The following PTPN12 variants were observed in gnomAD, a reference collection of about 807,000 sequenced individuals.
The protein encoded by PTPN12 is protein tyrosine phosphatase non-receptor type 12.
A neutral mutation model predicts 97.6 loss-of-function variants in PTPN12; 29 were observed. The observed-to-expected ratio is 0.30, with a 90% CI of 0.22 to 0.41. The LOEUF is 0.41. Ranked by LOEUF, PTPN12 falls within the 10% of genes least tolerant of loss-of-function variation. PTPN12 has a pLI of 1.00. For missense variants in PTPN12, 819 were observed against 926.0 expected (o/e 0.88, Z 1.50); for synonymous variants, 327 against 300.4 (o/e 1.09, Z -0.91).
At position 77,639,685 on chromosome 7, in the gene PTPN12, A is replaced by G. The variant is rs1789729051; in HGVS notation, c.*405A>G. The G allele has an allele frequency of 6.3e-6, 1 of 157,694 alleles. No individual in the cohort carries two copies. Among genetic ancestry groups the G allele is most frequent in the Non-Finnish European group, 1.4e-5 (1 of 71,604 alleles). 9.8% of individuals were successfully genotyped at this position (157,694 alleles called of 1,614,324 possible). A position where few individuals can be genotyped will look rare whatever the true frequency, so the allele number is the denominator to read the frequency against. On this transcript the variant is annotated 3_prime_UTR_variant, in exon 18 of 18. Coordinates refer to ENST00000248594, the MANE Select transcript of PTPN12 (RefSeq NM_002835.4). ...ATATTATTAACAGAAGATGTAAGAA[A>G]TTTCTGCATGGTCTAAATCTTTGTG...
At chr7:77,633,824 A>T (rs1789489155) in intron 14 of PTPN12, among the ~76,000 whole-genome samples, 1 of 151,250 alleles carries the variant, frequency 6.6e-6, no homozygotes, top group Non-Finnish European at 1.5e-5. Flanking sequence ...AGAGTTTGAG[A>T]CCAGCCTGGG....
At chr7:77,608,582 A>G (rs1346260811) in intron 9 of PTPN12, among the ~76,000 whole-genome samples, 1 of 152,154 alleles carries the variant, frequency 6.6e-6, no homozygotes, top group African/African-American at 2.4e-5. Flanking sequence ...GTTTCCATGA[A>G]TTGTTCATCT....
intron 7 of PTPN12, 87 bp downstream of exon 7, chr7:77,597,988 G>A: frequency 6.6e-7 from 1 of 1,523,910 alleles, no homozygotes; most frequent in Non-Finnish European, 8.8e-7. Context: ...AACACTTTGG[G>A]AGGCTGAAGT....
intron 12 of PTPN12, among the ~76,000 whole-genome samples, chr7:77,621,375 A>G (rs1046824947): frequency 2.6e-5 from 4 of 152,102 alleles, no homozygotes; most frequent in African/African-American, 7.2e-5. Flanking sequence ...TACACTCAAA[A>G]TTAACAACAA....
Position 77,625,510 on chromosome 7 carries a change from T to A in PTPN12, c.1026-1195T>A, listed in dbSNP as rs868277585. Among the ~76,000 whole-genome samples the A allele has an allele frequency of 2.4e-3, 238 of 100,366 alleles. 16 individuals are homozygous for A. Among genetic ancestry groups the A allele is most frequent in the Middle Eastern group, 0.01 (2 of 200 alleles). 65.8% of individuals were successfully genotyped at this position (100,366 alleles called of 152,430 possible). ...CTCTCTCTCTCTCTCTCTCTCTCTC[T>A]CTCTCTCTCTCTCACTCTCACTCTC... On this transcript the variant is annotated intron_variant, in intron 12 of 17. Transcript: ENST00000248594.
chr7:77,632,145 G>C (rs1334735924), intron 13 of PTPN12, among the ~76,000 whole-genome samples: 1 of 152,240 alleles, frequency 6.6e-6, no homozygotes, highest in Admixed American at 6.5e-5. Context: ...AGTCATGGGA[G>C]AGAGTCATTT....
chr7:77,540,386 T>A (rs1053288010), intron 1 of PTPN12, among the ~76,000 whole-genome samples: 2 of 151,858 alleles, frequency 1.3e-5, no homozygotes, highest in East Asian at 3.9e-4. Flanking sequence ...TACAGGCGCA[T>A]GCCACCACGC....
chr7:77,623,617 A>G (rs1372084757), intron 12 of PTPN12, among the ~76,000 whole-genome samples: 2 of 152,234 alleles, frequency 1.3e-5, no homozygotes, highest in Non-Finnish European at 2.9e-5. Flanking sequence ...AGGCTGAGGC[A>G]GGAGATTCGC....
At chr7:77,554,065 A>T (rs187851037) in intron 1 of PTPN12, among the ~76,000 whole-genome samples, 1 of 152,302 alleles carries the variant, frequency 6.6e-6, no homozygotes, top group Non-Finnish European at 1.5e-5. Flanking sequence ...TTCTGGGCTC[A>T]CGTGATCCTC....
At chr7:77,623,022 A>AG (rs1436944447) in intron 12 of PTPN12, among the ~76,000 whole-genome samples, 2 of 151,690 alleles carry the variant, frequency 1.3e-5, no homozygotes, top group Non-Finnish European at 2.9e-5. Flanking sequence ...CAAAAAAAAA[A>AG]AAGAAGAAAA....
intron 11 of PTPN12, among the ~76,000 whole-genome samples, chr7:77,613,954 C>G (rs2151379710): frequency 1.3e-5 from 2 of 152,114 alleles, no homozygotes; most frequent in East Asian, 3.9e-4. Context: ...TGCAGTGGAA[C>G]AATCAGGGCT....
At chr7:77,622,725 C>T (rs1012521953) in intron 12 of PTPN12, among the ~76,000 whole-genome samples, 7 of 151,872 alleles carry the variant, frequency 4.6e-5, no homozygotes, top group East Asian at 3.9e-4. Context: ...GAGTCGAGAT[C>T]GCGCCACTGC....
At chr7:77,605,420 T>TTTTTTTTG (rs1788334023) in intron 8 of PTPN12, among the ~76,000 whole-genome samples, 1 of 130,816 alleles carries the variant, frequency 7.6e-6, no homozygotes, top group African/African-American at 3.0e-5. Context: ...TTTTTTTTTT[T>TTTTTTTTG]TTTTTTTTTT....
intron 9 of PTPN12, among the ~76,000 whole-genome samples, chr7:77,610,319 T>C (rs990611264): frequency 6.6e-6 from 1 of 152,228 alleles, no homozygotes; most frequent in African/African-American, 2.4e-5. Flanking sequence ...CTAAATATCC[T>C]TATCTTCTCT....
intron 1 of PTPN12, among the ~76,000 whole-genome samples, chr7:77,548,701 T>C (rs1807337744): frequency 6.6e-6 from 1 of 152,126 alleles, no homozygotes; most frequent in Non-Finnish European, 1.5e-5. Context: ...ACAAAAAAAG[T>C]TTTCTGTCAG....
Position 77,537,372 on chromosome 7 carries a change from G to T in PTPN12, c.-175G>T. On this transcript the variant is annotated 5_prime_UTR_variant, in exon 1 of 18. Coordinates refer to ENST00000248594, the MANE Select transcript of PTPN12 (RefSeq NM_002835.4). ...AGTTGTGGTGTCGGGAGCCCAGCCG[G>T]TGCCGCCGCAGCCGCCGCCTAGGGC... The T allele has an allele frequency of 2.2e-6, 2 of 902,512 alleles. No homozygotes were observed. Among genetic ancestry groups the T allele is most frequent in the East Asian group, 3.3e-5 (1 of 29,934 alleles). 55.9% of individuals were successfully genotyped at this position (902,512 alleles called of 1,614,324 possible).
intron 1 of PTPN12, among the ~76,000 whole-genome samples, chr7:77,547,322 C>T (rs955003225): frequency 1.3e-5 from 2 of 152,122 alleles, no homozygotes; most frequent in Admixed American, 6.6e-5. Context: ...TGAGAAGCAG[C>T]GGGACTTTTC....
At chr7:77,573,100 A>AAAAAAAAAAAAC (rs1554314844) in intron 2 of PTPN12, among the ~76,000 whole-genome samples, 1 of 125,074 alleles carries the variant, frequency 8.0e-6, no homozygotes, top group Non-Finnish European at 1.6e-5. Flanking sequence ...AAAAAAACAA[A>AAAAAAAAAAAAC]AAAACAAAAA....
intron 5 of PTPN12, among the ~76,000 whole-genome samples, chr7:77,590,725 T>G (rs2151343883): frequency 6.6e-6 from 1 of 152,178 alleles, no homozygotes; most frequent in East Asian, 1.9e-4. Context: ...CATGCCTGGC[T>G]AATTTTTTTG....
Sources: allele counts gnomAD v4.1 joint callset (sites outside exome capture counted in the v4.1 genomes callset), GRCh38; gene constraint gnomAD v4.1.1; transcripts MANE v1.5; gene names NCBI Gene and HGNC (gene_info 2026-07-23, HGNC 2026-07-21).